The following RAPGEF1 variants were observed in gnomAD, a reference collection of about 807,000 sequenced individuals.
The protein encoded by RAPGEF1 is CRK SH3-binding GNRP.
Under a neutral mutation model 143.3 loss-of-function variants are expected in RAPGEF1, and 33 were observed. That is an observed-to-expected ratio of 0.23 (90% CI 0.17 to 0.31). The LOEUF (loss-of-function observed/expected upper bound fraction) is 0.31. Ranked by LOEUF, RAPGEF1 falls within the 10% of genes least tolerant of loss-of-function variation. The pLI is 1.00. For synonymous variants in RAPGEF1, 629 were observed against 676.5 expected, an observed-to-expected ratio of 0.93 and a Z score of 1.09; for missense variants, 1,199 against 1,645.4, an observed-to-expected ratio of 0.73 and a Z score of 4.69.
chr9:131,682,636 G>A (rs1833009958), intron 1 of RAPGEF1, among the ~76,000 whole-genome samples: 1 of 152,204 alleles, frequency 6.6e-6, no homozygotes, highest in East Asian at 1.9e-4. Context: ...AGAGCCAGGA[G>A]AGTGCATAGC....
intron 1 of RAPGEF1, among the ~76,000 whole-genome samples, chr9:131,678,859 G>T (rs1044847666): frequency 9.2e-5 from 14 of 152,192 alleles, no homozygotes; most frequent in African/African-American, 3.4e-4. Context: ...TTTCTTCAGA[G>T]AACCAACAAT....
chr9:131,721,405 G>T (rs1456594303), intron 1 of RAPGEF1, among the ~76,000 whole-genome samples: 1 of 152,248 alleles, frequency 6.6e-6, no homozygotes, highest in East Asian at 1.9e-4. Flanking sequence ...CTAACTAAGA[G>T]GCTAGAAGAG....
intron 22 of RAPGEF1, among the ~76,000 whole-genome samples, chr9:131,586,889 A>C (rs866644221): frequency 1.4e-4 from 6 of 41,730 alleles, no homozygotes; most frequent in South Asian, 8.1e-4. Context: ...CTCCGTCTCA[A>C]ACACACACAC....
chr9:131,606,568 A>G (rs1228910877), intron 12 of RAPGEF1, among the ~76,000 whole-genome samples: 1 of 152,196 alleles, frequency 6.6e-6, no homozygotes, highest in Non-Finnish European at 1.5e-5. Context: ...GGATTTTCAG[A>G]ACCCATGGAA....
intron 12 of RAPGEF1, among the ~76,000 whole-genome samples, chr9:131,608,375 C>A (rs1415943460): frequency 6.6e-6 from 1 of 152,166 alleles, no homozygotes; most frequent in African/African-American, 2.4e-5. Flanking sequence ...ATAGTCTAGG[C>A]ACTGTATTAA....
chr9:131,731,366 AT>A (rs944065619), intron 1 of RAPGEF1, among the ~76,000 whole-genome samples: 2 of 152,220 alleles, frequency 1.3e-5, no homozygotes, highest in Non-Finnish European at 1.5e-5. Context: ...CCATCTATTT[AT>A]TCAGAACCAT....
intron 13 of RAPGEF1, among the ~76,000 whole-genome samples, chr9:131,604,380 C>T (rs1446924789): frequency 6.6e-6 from 1 of 152,214 alleles, no homozygotes; most frequent in Non-Finnish European, 1.5e-5. Flanking sequence ...GGGTCCGCTG[C>T]CTGCACTTCC....
chr9:131,598,085 G>T lies in RAPGEF1; in HGVS notation c.2613+114C>A, dbSNP rs563051276. ...GCTCACCAGGGGCATTGAAAGACTT[G>T]GTCTCTAAGCCTCCTAGGGTTGTTC... On this transcript the variant is annotated intron_variant, in intron 16 of 26. Transcript: ENST00000683357. 53 of 867,320 alleles carry T rather than the reference G, an allele frequency of 6.1e-5. No individual in the cohort carries two copies. The African/African-American group carries it at 7.2e-4, about 12-fold the overall frequency. 53.7% of individuals were successfully genotyped at this position (867,320 alleles called of 1,614,324 possible). A position where few individuals can be genotyped will look rare whatever the true frequency, so the allele number is the denominator to read the frequency against.
chr9:131,622,987 T>C (rs530074512), intron 10 of RAPGEF1, among the ~76,000 whole-genome samples: 5 of 152,264 alleles, frequency 3.3e-5, no homozygotes, highest in African/African-American at 1.2e-4. Flanking sequence ...TGGCTGGTCT[T>C]GAACTCCTGA....
chr9:131,580,185 C>CG, intron 26 of RAPGEF1, 78 bp downstream of exon 26: 1 of 1,560,744 alleles, frequency 6.4e-7, no homozygotes, highest in Non-Finnish European at 8.7e-7. Flanking sequence ...CCCCTCCCCT[C>CG]GGTGTCCCGG....
intron 1 of RAPGEF1, among the ~76,000 whole-genome samples, chr9:131,663,001 T>C (rs1829819081): frequency 6.6e-6 from 1 of 151,912 alleles, no homozygotes; most frequent in Non-Finnish European, 1.5e-5. Flanking sequence ...AAAAATCAAA[T>C]CTACTGATGT....
chr9:131,706,152 C>T (rs751072782), intron 1 of RAPGEF1, among the ~76,000 whole-genome samples: 17 of 152,164 alleles, frequency 1.1e-4, no homozygotes, highest in Non-Finnish European at 1.9e-4. Flanking sequence ...AAACTAGACA[C>T]AGACCATGCT....
chr9:131,703,703 T>C (rs989438724), intron 1 of RAPGEF1, among the ~76,000 whole-genome samples: 3 of 152,214 alleles, frequency 2.0e-5, no homozygotes. Context: ...AGCACTCCTA[T>C]GATCCCTCAG....
intron 17 of RAPGEF1, among the ~76,000 whole-genome samples, chr9:131,593,883 G>A (rs148088234): frequency 2.0e-4 from 30 of 152,344 alleles, no homozygotes; most frequent in Middle Eastern, 3.4e-3. Flanking sequence ...CTGGAAGAAG[G>A]GGCCCAAGTC....
intron 1 of RAPGEF1, 133 bp downstream of exon 1, chr9:131,739,637 G>A (rs1480243067): frequency 1.1e-5 from 7 of 609,998 alleles, no homozygotes; most frequent in Non-Finnish European, 1.2e-5. Flanking sequence ...GCCCCGGCGA[G>A]GCCTCGGTGG....
intron 1 of RAPGEF1, among the ~76,000 whole-genome samples, chr9:131,723,257 T>C (rs1278366743): frequency 6.6e-6 from 1 of 152,200 alleles, no homozygotes; most frequent in East Asian, 1.9e-4. Flanking sequence ...TGTAATTATA[T>C]AAACATTGAA....
In RAPGEF1 at chr9:131,628,114, A is replaced by C; in HGVS notation, c.1018-18T>G. On this transcript the variant is annotated intron_variant, in intron 8 of 26. Transcript: ENST00000683357. The surrounding 1 kb of genome is among the most constrained non-coding windows in gnomAD (Gnocchi z 5.7). ...TCAAAATCCTCAAGTGGAAAAAGAA[A>C]AACAAAGCCAAATCACTTCTGAGAA... 3 of 1,511,368 alleles carry C rather than the reference A, an allele frequency of 2.0e-6. No individual in the cohort carries two copies. Among genetic ancestry groups the C allele is most frequent in the Non-Finnish European group, 2.7e-6 (3 of 1,125,954 alleles). 93.6% of individuals were successfully genotyped at this position (1,511,368 alleles called of 1,614,324 possible). A position where few individuals can be genotyped will look rare whatever the true frequency, so the allele number is the denominator to read the frequency against.
chr9:131,710,547 A>T (rs1198814072), intron 1 of RAPGEF1, among the ~76,000 whole-genome samples: 1 of 152,204 alleles, frequency 6.6e-6, no homozygotes, highest in African/African-American at 2.4e-5. Context: ...CCAGAGTTTG[A>T]GGTTATAAAA....
At chr9:131,642,996 A>T (rs1479156429) in intron 4 of RAPGEF1, among the ~76,000 whole-genome samples, 2 of 152,202 alleles carry the variant, frequency 1.3e-5, no homozygotes, top group Non-Finnish European at 2.9e-5. Flanking sequence ...CCACAAACTT[A>T]CACTGTGGCC....
Sources: allele counts gnomAD v4.1 joint callset (sites outside exome capture counted in the v4.1 genomes callset), GRCh38; gene constraint gnomAD v4.1.1; non-coding constraint Gnocchi (gnomAD v3.1); transcripts MANE v1.5; gene names NCBI Gene and HGNC (gene_info 2026-07-23, HGNC 2026-07-21).